CGNL1: variants seen among roughly 807,000 people sequenced by gnomAD.
The protein encoded by CGNL1 is cingulin like 1, also known as cingulin-like protein 1.
Under a neutral mutation model 141.2 loss-of-function variants are expected in CGNL1, and 132 were observed. That is an observed-to-expected ratio of 0.93 (90% confidence interval 0.81 to 1.08). CGNL1 has a LOEUF of 1.08. Ranked by LOEUF, CGNL1 falls within the 50% of genes least tolerant of loss-of-function variation. The pLI, the probability that CGNL1 is intolerant of heterozygous loss-of-function variation, is 0.00. For synonymous variants in CGNL1, 690 were observed against 622.1 expected, an observed-to-expected ratio of 1.11 and a Z score of -1.63; for missense variants, 1,870 against 1,588.6, an observed-to-expected ratio of 1.18 and a Z score of -3.01.
At position 57,442,182 on chromosome 15, in the gene CGNL1, G is replaced by GAAAAAAAAAAAAAA. The variant is rs61564944; in HGVS notation, c.1698-183_1698-170dup. On this transcript the variant is annotated intron_variant, in intron 3 of 18. Transcript: ENST00000281282. ...TTGAGTGGTAACACATCATTTATTT[G>GAAAAAAAAAAAAAA]AAAAAAAAAAAAAAAAAAAAAGACA... Among the ~76,000 whole-genome samples, 33 of 96,510 alleles carry GAAAAAAAAAAAAAA rather than the reference G, an allele frequency of 3.4e-4. 5 individuals carry two copies. Among genetic ancestry groups the GAAAAAAAAAAAAAA allele is most frequent in the African/African-American group, 5.6e-4 (13 of 23,300 alleles). The allele number at this position is 96,510 out of a possible 152,430, so 63.3% of individuals were successfully genotyped here.
intron 1 of CGNL1, among the ~76,000 whole-genome samples, chr15:57,382,970 C>T (rs1167202936): frequency 6.6e-6 from 1 of 152,140 alleles, no homozygotes; most frequent in African/African-American, 2.4e-5. Context: ...TAATATATAT[C>T]CTTGAACTCT....
rs2063710573 is a variant in CGNL1, at chr15:57,480,371, T to A, written c.2403+18479T>A. Reference sequence around the variant, plus strand: ...TGTCTCTACTTAAAATACAAAGAAATTTGTTGGGTGTGGTGGTGTACATTT... The same window carrying A: ...TGTCTCTACTTAAAATACAAAGAAAATTGTTGGGTGTGGTGGTGTACATTT... On this transcript the variant is annotated intron_variant, in intron 8 of 18. Transcript: ENST00000281282. 4.2e-5 allele frequency among the ~76,000 whole-genome samples: 6 copies of A among 141,342 alleles called. No individual in the cohort carries two copies. In the South Asian group the frequency reaches 1.4e-3, roughly 33 times the overall value. The allele number at this position is 141,342 out of a possible 152,430, so 92.7% of individuals were successfully genotyped here. A position where few individuals can be genotyped will look rare whatever the true frequency, so the allele number is the denominator to read the frequency against.
intron 1 of CGNL1, among the ~76,000 whole-genome samples, chr15:57,418,523 C>A (rs1379056355): frequency 6.6e-6 from 1 of 152,214 alleles, no homozygotes; most frequent in African/African-American, 2.4e-5. Flanking sequence ...CTGCCTGCTC[C>A]TTCTTCCTTC....
At chr15:57,529,559 AACACACAC>A (rs10593466) in intron 13 of CGNL1, among the ~76,000 whole-genome samples, 3,097 of 137,980 alleles carry the variant, frequency 0.022, 65 homozygotes, top group East Asian at 0.053. Context: ...AACCCCCAGA[AACACACAC>A]ACACACACAC....
At chr15:57,501,081 C>T (rs1462340009) in intron 8 of CGNL1, among the ~76,000 whole-genome samples, 1 of 152,196 alleles carries the variant, frequency 6.6e-6, no homozygotes, top group African/African-American at 2.4e-5. Context: ...AAACCTCTAT[C>T]AAGCTGATTA....
At chr15:57,443,330 C>A (rs1008557282) in intron 4 of CGNL1, among the ~76,000 whole-genome samples, 3 of 152,184 alleles carry the variant, frequency 2.0e-5, no homozygotes, top group Admixed American at 2.0e-4. Context: ...TGGAAGGAAG[C>A]CACTCGTAAG....
chr15:57,523,774 C>G (rs371945143), intron 11 of CGNL1, 133 bp downstream of exon 11: 7 of 880,854 alleles, frequency 7.9e-6, no homozygotes, highest in African/African-American at 6.7e-5. Context: ...ATTTGCAGAT[C>G]CCAAGAGGCA....
chr15:57,536,727 C>T (rs1368730271), intron 14 of CGNL1, among the ~76,000 whole-genome samples: 3 of 152,184 alleles, frequency 2.0e-5, no homozygotes, highest in African/African-American at 7.2e-5. Context: ...TCCCTAAGTG[C>T]TAGGCACTGT....
At chr15:57,541,844 A>C (rs1161817389) in intron 14 of CGNL1, among the ~76,000 whole-genome samples, 1 of 152,178 alleles carries the variant, frequency 6.6e-6, no homozygotes, top group Non-Finnish European at 1.5e-5. Flanking sequence ...TCCATGATTT[A>C]GATGCCTGCC....
chr15:57,545,977 T>A (rs1161394821), intron 17 of CGNL1, 99 bp from the exon 18 acceptor site: 21 of 1,372,460 alleles, frequency 1.5e-5, no homozygotes, highest in Non-Finnish European at 2.0e-5. Context: ...ATTGCCCATG[T>A]CTTGGTTGCC....
intron 1 of CGNL1, among the ~76,000 whole-genome samples, chr15:57,388,294 A>G (rs2062505427): frequency 6.6e-6 from 1 of 152,036 alleles, no homozygotes. Context: ...AGTTGTCATT[A>G]GAGGAGTCCT....
chr15:57,388,536 A>C (rs1316327810), intron 1 of CGNL1, among the ~76,000 whole-genome samples: 1 of 152,206 alleles, frequency 6.6e-6, no homozygotes, highest in Non-Finnish European at 1.5e-5. Flanking sequence ...CAGTGTCTGC[A>C]GAGGTAGCTG....
At chr15:57,475,325 C>T (rs2063638025) in intron 8 of CGNL1, among the ~76,000 whole-genome samples, 1 of 128,418 alleles carries the variant, frequency 7.8e-6, no homozygotes, top group South Asian at 2.6e-4. Context: ...GATTCCCTGT[C>T]ACCTCCACAG....
At chr15:57,420,570 G>A (rs911214035) in intron 1 of CGNL1, among the ~76,000 whole-genome samples, 3 of 152,112 alleles carry the variant, frequency 2.0e-5, no homozygotes, top group East Asian at 1.9e-4. Flanking sequence ...TTTCGGAATC[G>A]TTAATGCATT....
chr15:57,550,267 G>T lies in CGNL1; in HGVS notation c.*2777G>T. The T allele has an allele frequency of 6.5e-6, 1 of 152,720 alleles. No individual in the cohort carries two copies. 9.5% of individuals were successfully genotyped at this position (152,720 alleles called of 1,614,324 possible). Reference sequence around the variant, plus strand: ...CGGCTCATCTCACCCCAGTGACTTTGACAGTGTGCTCACTCTCAGAGCCAT... The same window carrying T: ...CGGCTCATCTCACCCCAGTGACTTTTACAGTGTGCTCACTCTCAGAGCCAT... On this transcript the variant is annotated 3_prime_UTR_variant, in exon 19 of 19. Transcript: ENST00000281282.
At chr15:57,541,313 C>T (rs989569544) in intron 14 of CGNL1, among the ~76,000 whole-genome samples, 1 of 152,244 alleles carries the variant, frequency 6.6e-6, no homozygotes, top group Non-Finnish European at 1.5e-5. Context: ...GAACGGCTGC[C>T]CCTGGGAGGC....
At chr15:57,432,119 T>G (rs900418007) in intron 1 of CGNL1, among the ~76,000 whole-genome samples, 3 of 152,240 alleles carry the variant, frequency 2.0e-5, no homozygotes, top group Admixed American at 1.3e-4. Flanking sequence ...ACTATGCCGA[T>G]TGCTTGGGCC....
chr15:57,488,522 G>A (rs1239227388), intron 8 of CGNL1, among the ~76,000 whole-genome samples: 2 of 152,150 alleles, frequency 1.3e-5, no homozygotes, highest in African/African-American at 2.4e-5. Context: ...GAGCAGAACT[G>A]GTGTAGGGAC....
intron 7 of CGNL1, among the ~76,000 whole-genome samples, chr15:57,460,410 G>A (rs1218730956): frequency 6.6e-6 from 1 of 152,182 alleles, no homozygotes; most frequent in African/African-American, 2.4e-5. Flanking sequence ...AGTTTGGCAG[G>A]TAGCCAAGAT....
Sources: gnomAD v4.1 joint callset for allele counts (sites outside exome capture counted in the v4.1 genomes callset) on GRCh38, gnomAD v4.1.1 for gene constraint, MANE v1.5 for transcripts, NCBI Gene and HGNC (gene_info 2026-07-23, HGNC 2026-07-21) for gene names.